OSBPL9: variants seen among roughly 807,000 people sequenced by gnomAD.
OSBPL9 encodes oxysterol binding protein like 9.
Under a neutral mutation model 106.6 loss-of-function variants are expected in OSBPL9, and 40 were observed. The ratio of observed to expected loss-of-function variants is 0.38; its 90% CI spans 0.29 to 0.49. The LOEUF is 0.49. Ranked by LOEUF, OSBPL9 falls within the 20% of genes least tolerant of loss-of-function variation. The pLI is 0.97. For missense variants in OSBPL9, 609 were observed against 887.2 expected, an observed-to-expected ratio of 0.69 and a Z score of 3.98; for synonymous variants, 269 against 295.4, an observed-to-expected ratio of 0.91 and a Z score of 0.92.
intron 1 of OSBPL9, among the ~76,000 whole-genome samples, chr1:51,630,842 G>T (rs1380468325): frequency 6.6e-6 from 1 of 152,082 alleles, no homozygotes; most frequent in East Asian, 1.9e-4. Context: ...CAAGCACATT[G>T]TACAGCTGTA....
In OSBPL9 at chr1:51,789,178, TACAA is replaced by T. The variant is rs200418110; in HGVS notation, c.*1397_*1400del. ...CAGTAGTATAACTAACTCCATAAAA[TACAA>T]ACAAACACATTTTAAAATACACATT... On this transcript the variant is annotated 3_prime_UTR_variant, in exon 24 of 24. Coordinates refer to ENST00000428468, the MANE Select transcript of OSBPL9 (RefSeq NM_024586.6). 2.2e-5 allele frequency: 34 copies of T among 1,517,874 alleles called. No individual in the cohort carries two copies. Among genetic ancestry groups the T allele is most frequent in the Admixed American group, 6.7e-5 (4 of 59,790 alleles). The allele number at this position is 1,517,874 out of a possible 1,614,324, so 94.0% of individuals were successfully genotyped here.
chr1:51,776,806 C>A, intron 14 of OSBPL9, 27 bp from the exon 15 acceptor site: 3 of 1,399,164 alleles, frequency 2.1e-6, no homozygotes, highest in South Asian at 1.2e-5. Context: ...ATTTGATCTT[C>A]AAGGGTCAAA....
rs533401681 is a variant in OSBPL9, at chr1:51,786,450, A to C, written c.1909-76A>C. 3.1e-6 allele frequency: 3 copies of C among 954,938 alleles called. No individual in the cohort carries two copies. In the East Asian group the frequency reaches 7.8e-5, roughly 25 times the overall value. 59.2% of individuals were successfully genotyped at this position (954,938 alleles called of 1,614,324 possible). A position where few individuals can be genotyped will look rare whatever the true frequency, so the allele number is the denominator to read the frequency against. ...TTGGACCTAGAGAATTTGAAGTGTC[A>C]AAAGCACTACAATGCATCTAACATT... On this transcript the variant is annotated intron_variant, in intron 21 of 23. Transcript: ENST00000428468.
chr1:51,685,852 T>G (rs756851501), intron 3 of OSBPL9, among the ~76,000 whole-genome samples: 28 of 152,224 alleles, frequency 1.8e-4, no homozygotes, highest in Non-Finnish European at 4.0e-4. Context: ...ATTTTATCAT[T>G]AGATTTTCTT....
At chr1:51,767,678 C>T (rs1432209653) in intron 12 of OSBPL9, among the ~76,000 whole-genome samples, 1 of 152,048 alleles carries the variant, frequency 6.6e-6, no homozygotes, top group Non-Finnish European at 1.5e-5. Context: ...AAATCTACAA[C>T]TAAAGAAGGC....
chr1:51,668,784 A>G (rs1363674992), intron 2 of OSBPL9, among the ~76,000 whole-genome samples: 2 of 152,170 alleles, frequency 1.3e-5, no homozygotes, highest in Non-Finnish European at 2.9e-5. Flanking sequence ...AGAAACATAT[A>G]CTAAGTATGT....
chr1:51,721,570 G>A (rs1184804732), intron 4 of OSBPL9, among the ~76,000 whole-genome samples: 1 of 152,116 alleles, frequency 6.6e-6, no homozygotes, highest in Admixed American at 6.5e-5. Flanking sequence ...ACCCTCAATA[G>A]CTATAATGGA....
the OSBPL9 span, among the ~76,000 whole-genome samples, chr1:51,528,427 C>T: frequency 6.6e-6 from 1 of 151,996 alleles, no homozygotes; most frequent in Non-Finnish European, 1.5e-5. Flanking sequence ...CCTGTAAGTC[C>T]CAGCGACCTG....
At chr1:51,651,918 C>A in intron 1 of OSBPL9, 73 bp from the exon 2 acceptor site, 3 of 1,208,236 alleles carry the variant, frequency 2.5e-6, no homozygotes, top group Non-Finnish European at 3.6e-6. Context: ...GTCCTTTTAT[C>A]CCCAGATGAT....
At chr1:51,761,306 A>G (rs1033442001) in intron 10 of OSBPL9, among the ~76,000 whole-genome samples, 4 of 151,382 alleles carry the variant, frequency 2.6e-5, no homozygotes, top group African/African-American at 9.7e-5. Context: ...AAAAACTGGC[A>G]AAGAAGGGCT....
rs772362778 is a variant in OSBPL9, at chr1:51,652,014, C to G, written c.135C>G (p.Gly45=). 6 of 1,609,114 alleles carry G rather than the reference C, an allele frequency of 3.7e-6. No individual in the cohort carries two copies. In the East Asian group the frequency reaches 1.3e-4, roughly 36 times the overall value. Residue 45 remains glycine (G), a synonymous_variant, in exon 2 of 24, where the codon GGC becomes GGG. Transcript: ENST00000428468. ...YYTSKDKMMR[G]SRRGCVRLRG... is the part of the protein sequence containing the mutation. Reference sequence around the variant, plus strand: ...AGTCCAAGGACAAAATGATGAGAGGCTCTCGCAGAGGATGTGTTAGACTCA... The same window carrying G: ...AGTCCAAGGACAAAATGATGAGAGGGTCTCGCAGAGGATGTGTTAGACTCA...
At chr1:51,780,316 G>C (rs539795185) in intron 15 of OSBPL9, among the ~76,000 whole-genome samples, 2 of 152,126 alleles carry the variant, frequency 1.3e-5, no homozygotes, top group Non-Finnish European at 2.9e-5. Flanking sequence ...TAGAGATGCC[G>C]TAAAGAACTG....
the OSBPL9 span, among the ~76,000 whole-genome samples, chr1:51,540,478 A>G: frequency 6.6e-6 from 1 of 151,754 alleles, no homozygotes; most frequent in African/African-American, 2.4e-5. Flanking sequence ...AACATTGTGA[A>G]ACCCCATCTC....
chr1:51,606,542 G>C (rs1481397036), intron 2 of OSBPL9, among the ~76,000 whole-genome samples: 2 of 152,204 alleles, frequency 1.3e-5, no homozygotes. Flanking sequence ...GGCACAGAAG[G>C]CTGTTGCAAT....
intron 4 of OSBPL9, among the ~76,000 whole-genome samples, chr1:51,737,545 G>GTGT (rs1553178245): frequency 7.0e-6 from 1 of 142,436 alleles, no homozygotes. Flanking sequence ...ATATTTCAGG[G>GTGT]GTGTGTGTGT....
At chr1:51,713,952 A>AT (rs781360843) in intron 3 of OSBPL9, 51 bp from the exon 4 acceptor site, 2 of 1,353,018 alleles carry the variant, frequency 1.5e-6, no homozygotes, top group Non-Finnish European at 2.0e-6. Context: ...AAATATGGAG[A>AT]TATATTATAG....
intron 12 of OSBPL9, among the ~76,000 whole-genome samples, chr1:51,768,042 C>T (rs1391501649): frequency 6.9e-5 from 10 of 145,700 alleles, no homozygotes; most frequent in Admixed American, 4.2e-4. Flanking sequence ...CCCGGGTTCA[C>T]GCCATTTTCC....
At chr1:51,570,141 T>A in the OSBPL9 span, among the ~76,000 whole-genome samples, 2 of 152,162 alleles carry the variant, frequency 1.3e-5, no homozygotes, top group Non-Finnish European at 2.9e-5. Flanking sequence ...CAGAATGAGG[T>A]TCTACCATAC....
chr1:51,736,894 C>T (rs1370168487), intron 4 of OSBPL9, among the ~76,000 whole-genome samples: 2 of 152,090 alleles, frequency 1.3e-5, no homozygotes, highest in Admixed American at 6.5e-5. Context: ...ACTAAAGTAT[C>T]TCAGAAGAAA....
Sources: gnomAD v4.1 joint callset for allele counts (sites outside exome capture counted in the v4.1 genomes callset) on GRCh38, gnomAD v4.1.1 for gene constraint, MANE v1.5 for transcripts, NCBI Gene and HGNC (gene_info 2026-07-23, HGNC 2026-07-21) for gene names.